The following DSCAM variants were observed in gnomAD, a reference collection of about 807,000 sequenced individuals.
DSCAM encodes the protein cell adhesion molecule DSCAM.
In DSCAM, 47 loss-of-function variants were observed where a neutral mutation model predicts 217.7. The ratio of observed to expected loss-of-function variants is 0.22; its 90% CI spans 0.17 to 0.28. The LOEUF is 0.28. Ranked by LOEUF, DSCAM falls within the 10% of genes least tolerant of loss-of-function variation. The probability of loss-of-function intolerance (pLI) is 1.00; values close to 1 mark genes in which losing one functional copy is unlikely to be tolerated. For synonymous variants in DSCAM, 1,056 were observed against 1,015.3 expected, an observed-to-expected ratio of 1.04 and a Z score of -0.76; for missense variants, 2,080 against 2,618.3, an observed-to-expected ratio of 0.79 and a Z score of 4.49.
intron 3 of DSCAM, among the ~76,000 whole-genome samples, chr21:40,485,859 A>G (rs1177010674): frequency 6.6e-6 from 1 of 152,202 alleles, no homozygotes; most frequent in Admixed American, 6.5e-5. Flanking sequence ...GACTTTTCAC[A>G]CATATACACA....
chr21:40,508,828 A>C (rs1271351592), intron 3 of DSCAM, among the ~76,000 whole-genome samples: 1 of 126,780 alleles, frequency 7.9e-6, no homozygotes. Flanking sequence ...TATAGAGACA[A>C]GGTCTCTTTA....
At chr21:40,580,854 A>AT (rs1201140030) in intron 3 of DSCAM, among the ~76,000 whole-genome samples, 4 of 152,230 alleles carry the variant, frequency 2.6e-5, no homozygotes, top group African/African-American at 9.6e-5. Context: ...GAGCATAGCT[A>AT]TGGTGTTTAT....
intron 4 of DSCAM, among the ~76,000 whole-genome samples, chr21:40,354,631 C>T (rs974245315): frequency 3.3e-5 from 5 of 152,098 alleles, no homozygotes; most frequent in East Asian, 2.0e-4. Flanking sequence ...AGGCAGATCA[C>T]GAGGTTAGGA....
intron 3 of DSCAM, among the ~76,000 whole-genome samples, chr21:40,467,517 TA>T (rs2075854782): frequency 6.6e-6 from 1 of 152,238 alleles, no homozygotes; most frequent in South Asian, 2.1e-4. Context: ...AATGATGGCA[TA>T]AAATTGACTT....
chr21:40,680,474 A>C (rs2090388575), intron 3 of DSCAM, among the ~76,000 whole-genome samples: 1 of 152,204 alleles, frequency 6.6e-6, no homozygotes, highest in Admixed American at 6.5e-5. Context: ...GTGCAAACCC[A>C]AGCCCTGCTG....
chr21:40,340,974 C>G (rs1666441000), intron 6 of DSCAM, among the ~76,000 whole-genome samples: 2 of 151,956 alleles, frequency 1.3e-5, no homozygotes, highest in Admixed American at 1.3e-4. Context: ...GCAGCTCTTC[C>G]CTCCACCCCC....
At chr21:40,489,774 C>CAAAAAA (rs35247505) in intron 3 of DSCAM, among the ~76,000 whole-genome samples, 597 of 47,072 alleles carry the variant, frequency 0.013, 69 homozygotes, top group Admixed American at 0.024. Flanking sequence ...GACTCCGTCT[C>CAAAAAA]AAAAAAAAAA....
intron 32 of DSCAM, among the ~76,000 whole-genome samples, chr21:40,041,123 A>G (rs971624299): frequency 5.3e-5 from 8 of 152,212 alleles, no homozygotes; most frequent in Non-Finnish European, 1.0e-4. Context: ...TATAAAGCTC[A>G]TTTCAGCTAG....
chr21:40,647,804 GC>G (rs2089965288), intron 3 of DSCAM, among the ~76,000 whole-genome samples: 1 of 152,176 alleles, frequency 6.6e-6, no homozygotes, highest in African/African-American at 2.4e-5. Flanking sequence ...AAATGTGGCT[GC>G]TTTATATAAT....
At chr21:40,270,051 C>T (rs1284780603) in intron 11 of DSCAM, among the ~76,000 whole-genome samples, 1 of 152,266 alleles carries the variant, frequency 6.6e-6, no homozygotes, top group South Asian at 2.1e-4. Context: ...TCCTTTTTTA[C>T]CCCAGAGAAT....
chr21:40,228,756 T>C (rs2146918844), intron 11 of DSCAM, among the ~76,000 whole-genome samples: 1 of 152,142 alleles, frequency 6.6e-6, no homozygotes, highest in African/African-American at 2.4e-5. Flanking sequence ...ATTAGCGTTC[T>C]CAAAGGAGTC....
chr21:40,292,988 G>A lies in DSCAM; in HGVS notation c.2182+3067C>T, dbSNP rs538688358. On this transcript the variant is annotated intron_variant, in intron 10 of 32. Coordinates refer to ENST00000400454, the MANE Select transcript of DSCAM (RefSeq NM_001389.5). ...CCTGACCTCATGATCCGCCTGCCTT[G>A]GCCTCCCAAAGTGCTGGGATTACAG... 9.2e-5 allele frequency among the ~76,000 whole-genome samples: 14 copies of A among 152,122 alleles called. No individual in the cohort carries two copies. The South Asian group carries it at 1.9e-3, about 20-fold the overall frequency.
chr21:40,493,578 C>G (rs2076093115), intron 3 of DSCAM, among the ~76,000 whole-genome samples: 1 of 151,942 alleles, frequency 6.6e-6, no homozygotes, highest in Admixed American at 6.6e-5. Flanking sequence ...AAATAGAAAA[C>G]TGGCTGGGCA....
rs1000103469 is a variant in DSCAM at position 40,313,612 on chromosome 21, G to A, written c.1784-1253C>T. On this transcript the variant is annotated intron_variant, in intron 8 of 32. Transcript: ENST00000400454. ...GCTCTTTCATCAGCCTTACGGATTAGTTATTTATTGCTTTACTTTGCAGAT... is the reference window on the plus strand; with the variant it reads ...GCTCTTTCATCAGCCTTACGGATTAATTATTTATTGCTTTACTTTGCAGAT... Among the ~76,000 whole-genome samples the A allele has an allele frequency of 2.0e-5, 3 of 152,034 alleles. No homozygotes were observed. In the East Asian group the frequency reaches 5.8e-4, roughly 29 times the overall value.
chr21:40,730,507 G>A (rs548131214), intron 1 of DSCAM, among the ~76,000 whole-genome samples: 13 of 152,226 alleles, frequency 8.5e-5, no homozygotes, highest in African/African-American at 2.6e-4. Flanking sequence ...ATTTTCCACC[G>A]TTTGATAAAA....
At chr21:40,787,887 G>T (rs554764975) in intron 1 of DSCAM, among the ~76,000 whole-genome samples, 2 of 152,120 alleles carry the variant, frequency 1.3e-5, no homozygotes, top group African/African-American at 2.4e-5. Context: ...GAGGAAATGA[G>T]TTCAAATAAT....
intron 1 of DSCAM, among the ~76,000 whole-genome samples, chr21:40,836,413 C>G (rs2092056977): frequency 6.6e-6 from 1 of 152,168 alleles, no homozygotes; most frequent in African/African-American, 2.4e-5. Flanking sequence ...CTGCTAGCAT[C>G]CACATTGGGA....
At chr21:40,559,476 A>C (rs927773058) in intron 3 of DSCAM, among the ~76,000 whole-genome samples, 2 of 146,886 alleles carry the variant, frequency 1.4e-5, no homozygotes, top group African/African-American at 4.9e-5. Context: ...AAAAAAAAAA[A>C]GTACAAGTAA....
intron 32 of DSCAM, among the ~76,000 whole-genome samples, chr21:40,030,431 C>T (rs1192782489): frequency 1.3e-5 from 2 of 151,988 alleles, no homozygotes; most frequent in Non-Finnish European, 1.5e-5. Flanking sequence ...GAAAGAATGG[C>T]CCGGAAAGGC....
Sources: allele counts gnomAD v4.1 joint callset (sites outside exome capture counted in the v4.1 genomes callset), GRCh38; gene constraint gnomAD v4.1.1; transcripts MANE v1.5; gene names NCBI Gene and HGNC (gene_info 2026-07-23, HGNC 2026-07-21).